CDC42EP3: variants seen among roughly 807,000 people sequenced by gnomAD.
CDC42EP3 encodes CDC42 effector protein (Rho GTPase binding) 3.
Under a neutral mutation model 15.5 loss-of-function variants are expected in CDC42EP3, and 4 were observed. That is an observed-to-expected ratio of 0.26 (90% confidence interval 0.13 to 0.59). The LOEUF is 0.59. Ranked by LOEUF, CDC42EP3 falls within the 20% of genes least tolerant of loss-of-function variation. The pLI, the probability that CDC42EP3 is intolerant of heterozygous loss-of-function variation, is 0.89. For missense variants in CDC42EP3, 309 were observed against 311.2 expected (o/e 0.99, Z 0.05); for synonymous variants, 145 against 130.3 (o/e 1.11, Z -0.77).
At chr2:37,670,132 G>T (rs1199882694) in intron 1 of CDC42EP3, among the ~76,000 whole-genome samples, 1 of 152,106 alleles carries the variant, frequency 6.6e-6, no homozygotes, top group East Asian at 1.9e-4. Flanking sequence ...ATTGTCTTAG[G>T]GATACCTTTG....
At chr2:37,658,124 C>T (rs114891047) in intron 1 of CDC42EP3, among the ~76,000 whole-genome samples, 1,646 of 152,258 alleles carry the variant, frequency 0.011, 32 homozygotes, top group African/African-American at 0.038. Context: ...ACAATTCCCC[C>T]GGCAATCACA....
intron 1 of CDC42EP3, among the ~76,000 whole-genome samples, chr2:37,655,540 A>G (rs944670255): frequency 2.0e-5 from 3 of 152,158 alleles, no homozygotes; most frequent in Admixed American, 2.0e-4. Context: ...CTCAATGTGG[A>G]CATAGAACTC....
chr2:37,653,079 C>T (rs1442509678), intron 1 of CDC42EP3, among the ~76,000 whole-genome samples: 3 of 152,310 alleles, frequency 2.0e-5, no homozygotes, highest in Admixed American at 1.3e-4. Flanking sequence ...ATAGATAACA[C>T]TGGAGATAAC....
At chr2:37,654,493 G>C (rs1665787081) in intron 1 of CDC42EP3, among the ~76,000 whole-genome samples, 1 of 152,116 alleles carries the variant, frequency 6.6e-6, no homozygotes, top group Non-Finnish European at 1.5e-5. Flanking sequence ...AAAGATTTTG[G>C]CTCCTCCAAG....
intron 1 of CDC42EP3, among the ~76,000 whole-genome samples, chr2:37,660,914 C>G (rs1572520581): frequency 6.6e-6 from 1 of 152,022 alleles, no homozygotes. Flanking sequence ...CAGAGTGGAC[C>G]AGTAATCATT....
intron 1 of CDC42EP3, among the ~76,000 whole-genome samples, chr2:37,650,589 GACGAACTGATATCCAGCCAC>G (rs1558337982): frequency 6.6e-6 from 1 of 152,178 alleles, no homozygotes; most frequent in African/African-American, 2.4e-5. Context: ...GATCACTACT[GACGAACTGATATCCAGCCAC>G]TCTGCCAAGG....
In CDC42EP3 at chr2:37,645,510, T is replaced by C. The variant is rs1255991241; in HGVS notation, c.*313A>G. Reference sequence around the variant, plus strand: ...TTAATGTGACTCGCTCAGCCCTTCATAGCTAGTGCCAATCCTGGCCAAGCC... The same window carrying C: ...TTAATGTGACTCGCTCAGCCCTTCACAGCTAGTGCCAATCCTGGCCAAGCC... On this transcript the variant is annotated 3_prime_UTR_variant, in exon 2 of 2. Coordinates refer to ENST00000295324, the MANE Select transcript of CDC42EP3 (RefSeq NM_006449.5). 8.9e-6 allele frequency: 2 copies of C among 224,446 alleles called. No homozygotes were observed. The highest frequency in any genetic ancestry group is 9.9e-5 in the East Asian group (1 of 10,138). The allele number at this position is 224,446 out of a possible 1,614,324, so 13.9% of individuals were successfully genotyped here. A position where few individuals can be genotyped will look rare whatever the true frequency, so the allele number is the denominator to read the frequency against.
At chr2:37,647,775 A>G (rs1361632746) in intron 1 of CDC42EP3, 1 of 152,294 alleles carries the variant, frequency 6.6e-6, no homozygotes, top group Admixed American at 6.5e-5. Flanking sequence ...ATCTGAGCTG[A>G]CAAGGGAGAA....
At position 37,646,648 on chromosome 2, in the gene CDC42EP3, G is replaced by T; in HGVS notation, c.-61C>A. 2 of 1,426,166 alleles carry T rather than the reference G, an allele frequency of 1.4e-6. No homozygotes were observed. Among genetic ancestry groups the T allele is most frequent in the South Asian group, 1.4e-5 (1 of 70,792 alleles). 88.3% of individuals were successfully genotyped at this position (1,426,166 alleles called of 1,614,324 possible). On this transcript the variant is annotated 5_prime_UTR_variant, in exon 2 of 2. Transcript: ENST00000295324. ...GAAAGGGCCACTTTCTTCACAGATG[G>T]TATATGTTTCTGAATCCTTTTTGAT...
intron 1 of CDC42EP3, among the ~76,000 whole-genome samples, 191 bp downstream of exon 1, chr2:37,671,235 C>A (rs1265929778): frequency 1.3e-5 from 2 of 152,248 alleles, no homozygotes; most frequent in East Asian, 3.8e-4. Flanking sequence ...TGCCGCCGGA[C>A]CCCCTCCTGG....
At position 37,643,326 on chromosome 2, in the gene CDC42EP3, G is replaced by C. The variant is rs146670599; in HGVS notation, c.*2497C>G. Reference sequence around the variant, plus strand: ...GGGGAAGGGACCAGGCATTGGAAAGGCTGCCTCGGGAGAAGTGACTCAACA... The same window carrying C: ...GGGGAAGGGACCAGGCATTGGAAAGCCTGCCTCGGGAGAAGTGACTCAACA... On this transcript the variant is annotated 3_prime_UTR_variant, in exon 2 of 2. Coordinates refer to ENST00000295324, the MANE Select transcript of CDC42EP3 (RefSeq NM_006449.5). 2.6e-5 allele frequency: 4 copies of C among 152,314 alleles called. No homozygotes were observed. Among genetic ancestry groups the C allele is most frequent in the Non-Finnish European group, 5.9e-5 (4 of 68,026 alleles). The allele number at this position is 152,314 out of a possible 1,614,324, so 9.4% of individuals were successfully genotyped here. A position where few individuals can be genotyped will look rare whatever the true frequency, so the allele number is the denominator to read the frequency against.
At chr2:37,653,712 G>C (rs541281771) in intron 1 of CDC42EP3, among the ~76,000 whole-genome samples, 14 of 151,824 alleles carry the variant, frequency 9.2e-5, no homozygotes, top group African/African-American at 3.4e-4. Flanking sequence ...AGGAATGTTT[G>C]GTTTGCCTAC....
intron 1 of CDC42EP3, among the ~76,000 whole-genome samples, chr2:37,663,624 G>T (rs1439540970): frequency 1.3e-5 from 2 of 152,234 alleles, no homozygotes; most frequent in African/African-American, 4.8e-5. Context: ...AATGACTGGG[G>T]TGACTCCCCT....
chr2:37,659,404 T>G (rs1050894968), intron 1 of CDC42EP3, among the ~76,000 whole-genome samples: 4 of 152,196 alleles, frequency 2.6e-5, no homozygotes, highest in Non-Finnish European at 4.4e-5. Context: ...CCCCTATCCA[T>G]GCAGGGTAAT....
intron 1 of CDC42EP3, among the ~76,000 whole-genome samples, chr2:37,648,154 T>C (rs1665536700): frequency 6.6e-6 from 1 of 152,204 alleles, no homozygotes; most frequent in East Asian, 1.9e-4. Context: ...GCCAATGAGA[T>C]GCTCTTATCT....
chr2:37,648,677 C>T (rs1015406630), intron 1 of CDC42EP3, among the ~76,000 whole-genome samples: 2 of 152,220 alleles, frequency 1.3e-5, no homozygotes, highest in African/African-American at 2.4e-5. Flanking sequence ...ATGACATGAT[C>T]GTGGGTCCTG....
chr2:37,664,902 C>T (rs1314419180), intron 1 of CDC42EP3, among the ~76,000 whole-genome samples: 1 of 151,780 alleles, frequency 6.6e-6, no homozygotes, highest in Non-Finnish European at 1.5e-5. Flanking sequence ...GACACTGGGG[C>T]CTAATTGAGG....
intron 1 of CDC42EP3, among the ~76,000 whole-genome samples, chr2:37,668,474 C>A (rs372429518): frequency 1.3e-5 from 2 of 152,208 alleles, no homozygotes; most frequent in African/African-American, 4.8e-5. Flanking sequence ...GGTGAGGTAA[C>A]TTGCCCAAAG....
intron 1 of CDC42EP3, among the ~76,000 whole-genome samples, chr2:37,665,157 G>C (rs1355294414): frequency 1.8e-4 from 27 of 151,916 alleles, no homozygotes; most frequent in Admixed American, 1.8e-3. Context: ...CTTAAATGTA[G>C]TAAGTGTTAC....
Sources: allele counts gnomAD v4.1 joint callset (sites outside exome capture counted in the v4.1 genomes callset), GRCh38; gene constraint gnomAD v4.1.1; transcripts MANE v1.5; gene names NCBI Gene and HGNC (gene_info 2026-07-23, HGNC 2026-07-21).